Variants in ZNF565 observed in about 807,000 individuals in gnomAD.
ZNF565 encodes zinc finger protein 565.
Under a neutral mutation model 39.4 loss-of-function variants are expected in ZNF565, and 27 were observed. That is an observed-to-expected ratio of 0.69 (90% confidence interval 0.51 to 0.95). The LOEUF is 0.95. ZNF565 is among the 40% of genes least tolerant of loss of function. ZNF565 has a pLI of 0.00. For missense variants in ZNF565, 524 were observed against 621.1 expected (o/e 0.84, Z 1.66); for synonymous variants, 185 against 216.6 (o/e 0.85, Z 1.28).
At chr19:36,234,659 C>T (rs979376592) in intron 1 of ZNF565, among the ~76,000 whole-genome samples, 40 of 152,130 alleles carry the variant, frequency 2.6e-4, no homozygotes, top group Admixed American at 2.0e-3. Context: ...GGCCTCCCAA[C>T]GTGCTGGGAT....
upstream of ZNF565, chr19:36,214,967 C>T (rs1036454169): frequency 2.6e-5 from 4 of 152,498 alleles, no homozygotes; most frequent in African/African-American, 9.7e-5. Context: ...ACCAGTAAAG[C>T]CTCAAGGGAA....
At chr19:36,224,133 G>T (rs1976976049) in intron 1 of ZNF565, among the ~76,000 whole-genome samples, 1 of 152,190 alleles carries the variant, frequency 6.6e-6, no homozygotes, top group Admixed American at 6.5e-5. Context: ...TGCAATCCCA[G>T]CACTTTGCAA....
At chr19:36,240,062 C>A (rs1046727074) in intron 1 of ZNF565, among the ~76,000 whole-genome samples, 2 of 152,122 alleles carry the variant, frequency 1.3e-5, no homozygotes, top group African/African-American at 4.8e-5. Flanking sequence ...TCTCTGTTTT[C>A]CCTGTTTGCA....
chr19:36,194,971 A>G (rs1183882267), intron 3 of ZNF565, 59 bp downstream of exon 3: 1 of 1,612,530 alleles, frequency 6.2e-7, no homozygotes, highest in Non-Finnish European at 8.5e-7. Context: ...ACTGCACCCC[A>G]TGGTTGTAGT....
At chr19:36,217,949 G>T (rs563902047), upstream of ZNF565, among the ~76,000 whole-genome samples, 5 of 151,908 alleles carry the variant, frequency 3.3e-5, no homozygotes, top group South Asian at 1.0e-3. Flanking sequence ...TGGGGTGGGG[G>T]TACTGGAATA....
At chr19:36,223,014 G>C (rs181088122) in intron 1 of ZNF565, among the ~76,000 whole-genome samples, 36 of 152,082 alleles carry the variant, frequency 2.4e-4, no homozygotes, top group Middle Eastern at 3.4e-3. Flanking sequence ...CAGTCTCACT[G>C]TGTTGCACAG....
chr19:36,203,553 T>A (rs1407811833), intron 1 of ZNF565: 1 of 152,152 alleles, frequency 6.6e-6, no homozygotes, highest in Non-Finnish European at 1.5e-5. Context: ...CTCAAGGGAA[T>A]GAGAAATCAG....
intron 2 of ZNF565, among the ~76,000 whole-genome samples, chr19:36,196,995 G>A (rs1975783524): frequency 6.8e-6 from 1 of 146,544 alleles, no homozygotes; most frequent in African/African-American, 2.4e-5. Flanking sequence ...GGCAGAGGTT[G>A]CAGTGTGCTG....
intron 2 of ZNF565, among the ~76,000 whole-genome samples, chr19:36,200,346 TAAC>T (rs913972133): frequency 1.3e-5 from 2 of 151,982 alleles, no homozygotes; most frequent in Non-Finnish European, 2.9e-5. Context: ...AAAAATATTT[TAAC>T]AACAAATAAA....
intron 1 of ZNF565, among the ~76,000 whole-genome samples, chr19:36,214,332 C>G (rs1437959291): frequency 6.6e-6 from 1 of 152,042 alleles, no homozygotes; most frequent in Non-Finnish European, 1.5e-5. Context: ...GTACTCACAC[C>G]CCAGGAACAG....
chr19:36,210,683 G>C (rs1599945008), intron 1 of ZNF565, among the ~76,000 whole-genome samples: 1 of 151,142 alleles, frequency 6.6e-6, no homozygotes, highest in Non-Finnish European at 1.5e-5. Flanking sequence ...GGAATGCAGT[G>C]GTGTAATCTT....
intron 1 of ZNF565, among the ~76,000 whole-genome samples, chr19:36,231,112 A>G (rs753142018): frequency 1.3e-5 from 2 of 152,208 alleles, no homozygotes; most frequent in Non-Finnish European, 2.9e-5. Flanking sequence ...CGTGACCACA[A>G]CTGACTTTGG....
upstream of ZNF565, among the ~76,000 whole-genome samples, chr19:36,217,053 GTCTTTT>G (rs1167445835): frequency 1.4e-5 from 1 of 71,826 alleles, no homozygotes; most frequent in African/African-American, 4.8e-5. Context: ...GCCAGTCCCT[GTCTTTT>G]TTTTTTTTTT....
chr19:36,204,781 G>A (rs1976091157), intron 1 of ZNF565, among the ~76,000 whole-genome samples: 2 of 152,090 alleles, frequency 1.3e-5, no homozygotes, highest in Non-Finnish European at 2.9e-5. Flanking sequence ...CCTGAGGTCA[G>A]GAGTTTGAGA....
chr19:36,191,394 C>T (rs1033198578), intron 4 of ZNF565, among the ~76,000 whole-genome samples: 1 of 149,422 alleles, frequency 6.7e-6, no homozygotes, highest in African/African-American at 2.5e-5. Context: ...TCTCGGCTCT[C>T]AGCTACCTCT....
rs891499238 is a variant in ZNF565, at chr19:36,199,496, C to A, written c.9+2481G>T. ...ACATAACACCCTTTTAAATGAATTT[C>A]TTTCTTTCTCTTTTTTTTTTTTTTT... On this transcript the variant is annotated intron_variant, in intron 2 of 4. Coordinates refer to ENST00000304116, the MANE Select transcript of ZNF565 (RefSeq NM_152477.5). Among the ~76,000 whole-genome samples, 6 of 142,952 alleles carry A rather than the reference C, an allele frequency of 4.2e-5. 1 individual carries two copies. The highest frequency in any genetic ancestry group is 1.3e-4 in the African/African-American group (5 of 39,892). The allele number at this position is 142,952 out of a possible 152,430, so 93.8% of individuals were successfully genotyped here.
Position 36,183,143 on chromosome 19 carries a change from C to T in ZNF565, c.823G>A (p.Gly275Ser). 3.1e-6 allele frequency: 5 copies of T among 1,614,154 alleles called. No homozygotes were observed. The highest frequency in any genetic ancestry group is 1.7e-5 in the Admixed American group (1 of 60,004). Reference protein sequence around the residue: ...QLILHQRTHTGEKPYVCKDCG... With the variant: ...QLILHQRTHTSEKPYVCKDCG... ...TCTTTACATACGTAGGGTTTCTCGC[C>T]TGTGTGAGTTCTTTGATGCAGAATC... The change falls in exon 5 of 5, where the codon GGC (glycine) becomes AGC (serine). Residue 275 changes from glycine (G) to serine (S), a missense_variant. Coordinates refer to ENST00000304116, the MANE Select transcript of ZNF565 (RefSeq NM_152477.5).
Position 36,183,185 on chromosome 19 carries a change from T to A in ZNF565, c.781A>T (p.Arg261Trp). ...TGCAGAATCAGCTGTGAATGCTGCC[T>A]AAAGGTCTTCCCACATTCTTTACAT... is the stretch of plus-strand genomic sequence containing the variant. ...YECKECGKTF[R>W]QHSQLILHQR... The change falls in exon 5 of 5, where the codon AGG becomes TGG. Residue 261 changes from arginine (R) to tryptophan (W), a missense_variant. Coordinates refer to ENST00000304116, the MANE Select transcript of ZNF565 (RefSeq NM_152477.5). The A allele has an allele frequency of 6.2e-7, 1 of 1,614,174 alleles. No individual in the cohort carries two copies. The highest frequency in any genetic ancestry group is 8.5e-7 in the Non-Finnish European group (1 of 1,180,042).
At chr19:36,202,232 T>C (rs902276579) in intron 1 of ZNF565, among the ~76,000 whole-genome samples, 182 bp from the exon 2 acceptor site, 3 of 152,088 alleles carry the variant, frequency 2.0e-5, no homozygotes, top group Non-Finnish European at 4.4e-5. Flanking sequence ...CCAGGCATGG[T>C]GGCTCACGCC....
Sources: allele counts gnomAD v4.1 joint callset (sites outside exome capture counted in the v4.1 genomes callset), GRCh38; gene constraint gnomAD v4.1.1; transcripts MANE v1.5; gene names NCBI Gene and HGNC (gene_info 2026-07-23, HGNC 2026-07-21).